Variants in ARMH4 observed in about 807,000 individuals in gnomAD.
ARMH4 encodes armadillo-like helical domain-containing protein 4.
In ARMH4, 49 loss-of-function variants were observed where a neutral mutation model predicts 61.9. The observed-to-expected ratio is 0.79, with a 90% CI of 0.63 to 1.00. The LOEUF is 1.00. ARMH4 is among the 50% of genes least tolerant of loss of function. The probability of loss-of-function intolerance (pLI) is 0.00; values close to 1 mark genes in which losing one functional copy is unlikely to be tolerated. For missense variants in ARMH4, 934 were observed against 930.0 expected (o/e 1.00, Z -0.06); for synonymous variants, 368 against 341.5 (o/e 1.08, Z -0.85).
At chr14:58,026,901 T>C (rs998992344) in intron 5 of ARMH4, among the ~76,000 whole-genome samples, 1 of 152,184 alleles carries the variant, frequency 6.6e-6, no homozygotes, top group Non-Finnish European at 1.5e-5. Flanking sequence ...TTGTTTGCCA[T>C]TGGCCCTTAG....
intron 4 of ARMH4, among the ~76,000 whole-genome samples, chr14:58,114,875 A>T (rs1429702596): frequency 6.6e-6 from 1 of 152,222 alleles, no homozygotes; most frequent in Non-Finnish European, 1.5e-5. Flanking sequence ...ATGCTGGGAT[A>T]GCTGGCTAGC....
chr14:58,014,339 T>C (rs1328568007), intron 5 of ARMH4, among the ~76,000 whole-genome samples: 1 of 152,120 alleles, frequency 6.6e-6, no homozygotes, highest in African/African-American at 2.4e-5. Flanking sequence ...GAAGAAAGCC[T>C]AGGAACCTCA....
At chr14:58,049,012 C>T (rs1197674609) in intron 5 of ARMH4, among the ~76,000 whole-genome samples, 8 of 151,914 alleles carry the variant, frequency 5.3e-5, no homozygotes, top group Admixed American at 1.3e-4. Context: ...CCAAGGAGGG[C>T]GGATCATGAG....
At chr14:58,066,813 C>A (rs995305988) in intron 5 of ARMH4, among the ~76,000 whole-genome samples, 3 of 152,178 alleles carry the variant, frequency 2.0e-5, no homozygotes, top group African/African-American at 7.2e-5. Flanking sequence ...AGTATATACA[C>A]TAACCGCAAG....
chr14:58,139,857 C>T (rs924089832), intron 1 of ARMH4, among the ~76,000 whole-genome samples: 1 of 152,062 alleles, frequency 6.6e-6, no homozygotes, highest in African/African-American at 2.4e-5. Context: ...GTTTGTGGCC[C>T]CCAGAATTCA....
At chr14:58,132,065 C>T (rs1887128100) in intron 3 of ARMH4, among the ~76,000 whole-genome samples, 1 of 152,100 alleles carries the variant, frequency 6.6e-6, no homozygotes, top group South Asian at 2.1e-4. Flanking sequence ...ATATATTAAA[C>T]TGTATTTCAA....
intron 4 of ARMH4, among the ~76,000 whole-genome samples, chr14:58,120,789 G>T (rs1441325473): frequency 6.6e-6 from 1 of 152,134 alleles, no homozygotes; most frequent in Admixed American, 6.6e-5. Flanking sequence ...GGAGGGTCAG[G>T]AAGAAAAAGA....
intron 5 of ARMH4, among the ~76,000 whole-genome samples, chr14:58,075,725 C>A (rs746379143): frequency 1.1e-4 from 17 of 152,150 alleles, no homozygotes; most frequent in Non-Finnish European, 8.8e-5. Context: ...ACGTTCTGCA[C>A]ATGTACCCCA....
intron 4 of ARMH4, among the ~76,000 whole-genome samples, chr14:58,130,337 AACCAGTGTT>A (rs1887048550): frequency 6.6e-6 from 1 of 152,218 alleles, no homozygotes; most frequent in South Asian, 2.1e-4. Context: ...GTCAGCAGCC[AACCAGTGTT>A]ACCCAGAAAG....
intron 5 of ARMH4, among the ~76,000 whole-genome samples, chr14:58,053,380 G>A (rs896234099): frequency 1.6e-4 from 25 of 152,176 alleles, no homozygotes; most frequent in African/African-American, 5.3e-4. Context: ...GGTCTTGCAG[G>A]GTTTGGTCCC....
intron 4 of ARMH4, among the ~76,000 whole-genome samples, chr14:58,100,050 T>C (rs1434550782): frequency 1.3e-5 from 2 of 152,164 alleles, no homozygotes; most frequent in African/African-American, 4.8e-5. Context: ...CAAGGTCCAG[T>C]GCACAGGCTG....
intron 5 of ARMH4, among the ~76,000 whole-genome samples, chr14:58,047,744 C>T (rs1454421275): frequency 1.3e-5 from 2 of 152,076 alleles, no homozygotes; most frequent in East Asian, 1.9e-4. Flanking sequence ...GCAATGAATC[C>T]AGGTTGGTTT....
chr14:58,049,543 A>C (rs1260772351), intron 5 of ARMH4, among the ~76,000 whole-genome samples: 1 of 152,122 alleles, frequency 6.6e-6, no homozygotes, highest in Non-Finnish European at 1.5e-5. Flanking sequence ...GATTCAATCA[A>C]CCTTTGATTA....
chr14:58,039,463 C>A (rs998790595), intron 5 of ARMH4, among the ~76,000 whole-genome samples: 6 of 152,166 alleles, frequency 3.9e-5, no homozygotes, highest in Admixed American at 3.9e-4. Context: ...ATTTTTACAA[C>A]ACTTTACCAA....
intron 5 of ARMH4, among the ~76,000 whole-genome samples, chr14:58,019,128 G>A (rs1882721548): frequency 6.6e-6 from 1 of 152,090 alleles, no homozygotes. Context: ...TCACGTTGGA[G>A]AGATATTAGT....
At chr14:58,073,011 G>T (rs1488551053) in intron 5 of ARMH4, among the ~76,000 whole-genome samples, 1 of 152,158 alleles carries the variant, frequency 6.6e-6, no homozygotes, top group African/African-American at 2.4e-5. Context: ...CCCCTCCTTG[G>T]GGGCTTGCTC....
At chr14:58,048,654 T>A (rs773338964) in intron 5 of ARMH4, among the ~76,000 whole-genome samples, 1 of 151,814 alleles carries the variant, frequency 6.6e-6, no homozygotes, top group Non-Finnish European at 1.5e-5. Flanking sequence ...AAAAATAGCA[T>A]GAGAAAAATG....
chr14:58,071,537 T>G (rs937394356), intron 5 of ARMH4, among the ~76,000 whole-genome samples: 1 of 152,208 alleles, frequency 6.6e-6, no homozygotes, highest in South Asian at 2.1e-4. Context: ...CTCCCACTTG[T>G]GTTTTAGGCT....
chr14:58,123,294 G>A (rs1886787739), intron 4 of ARMH4, among the ~76,000 whole-genome samples: 1 of 152,118 alleles, frequency 6.6e-6, no homozygotes, highest in East Asian at 1.9e-4. Context: ...CTTGCCAACA[G>A]AAGGACAATA....
Sources: gnomAD v4.1 joint callset for allele counts (sites outside exome capture counted in the v4.1 genomes callset) on GRCh38, gnomAD v4.1.1 for gene constraint, MANE v1.5 for transcripts, NCBI Gene and HGNC (gene_info 2026-07-23, HGNC 2026-07-21) for gene names.